ARSB: variants seen among roughly 807,000 people sequenced by gnomAD.
The protein encoded by ARSB is N-acetylgalactosamine-4-sulfatase.
A neutral mutation model predicts 50.9 loss-of-function variants in ARSB; 41 were observed. That is an observed-to-expected ratio of 0.81 (90% CI 0.63 to 1.04). The LOEUF is 1.04. ARSB is among the 50% of genes least tolerant of loss of function. The probability of loss-of-function intolerance (pLI) is 0.00; values close to 1 mark genes in which losing one functional copy is unlikely to be tolerated. For synonymous variants in ARSB, 269 were observed against 284.8 expected, an observed-to-expected ratio of 0.94 and a Z score of 0.56; for missense variants, 672 against 693.3, an observed-to-expected ratio of 0.97 and a Z score of 0.35.
chr5:78,871,577 A>C (rs530252628), intron 5 of ARSB, among the ~76,000 whole-genome samples: 1 of 147,824 alleles, frequency 6.8e-6, no homozygotes, highest in African/African-American at 2.5e-5. Flanking sequence ...AGGATTCCCT[A>C]TTTAATAAAT....
intron 1 of ARSB, among the ~76,000 whole-genome samples, chr5:78,971,527 T>C (rs927349729): frequency 2.0e-5 from 3 of 152,194 alleles, no homozygotes; most frequent in African/African-American, 7.2e-5. Context: ...TGTTTGTGAG[T>C]ATTTTATTTG....
intron 1 of ARSB, among the ~76,000 whole-genome samples, chr5:78,980,229 G>A (rs1752844021): frequency 6.6e-6 from 1 of 152,166 alleles, no homozygotes; most frequent in African/African-American, 2.4e-5. Context: ...TATATAGGAT[G>A]TGAACTATAA....
chr5:78,930,046 AATGCACT>A (rs1750248684), intron 4 of ARSB, among the ~76,000 whole-genome samples: 1 of 152,106 alleles, frequency 6.6e-6, no homozygotes, highest in African/African-American at 2.4e-5. Context: ...ATGTGATCTG[AATGCACT>A]GTACACAGGG....
chr5:78,964,239 G>C (rs1461470655), intron 3 of ARSB, among the ~76,000 whole-genome samples, 177 bp downstream of exon 3: 1 of 152,176 alleles, frequency 6.6e-6, no homozygotes, highest in African/African-American at 2.4e-5. Flanking sequence ...TGGGCTCCAG[G>C]AATCTTCCTT....
At chr5:78,981,584 CTTAGAG>C (rs1752906945) in intron 1 of ARSB, among the ~76,000 whole-genome samples, 1 of 152,182 alleles carries the variant, frequency 6.6e-6, no homozygotes, top group Admixed American at 6.5e-5. Context: ...ACACAAGAGC[CTTAGAG>C]TTAAATTAAT....
chr5:78,817,579 G>A (rs546012320), intron 6 of ARSB, among the ~76,000 whole-genome samples: 1 of 151,730 alleles, frequency 6.6e-6, no homozygotes, highest in Admixed American at 6.6e-5. Context: ...GAGGCCAAGA[G>A]GGGTGAATCA....
chr5:78,839,855 T>G (rs1433703370), intron 5 of ARSB, among the ~76,000 whole-genome samples: 3 of 152,020 alleles, frequency 2.0e-5, no homozygotes, highest in Non-Finnish European at 2.9e-5. Context: ...TCTTAAAGAG[T>G]AACCTACATC....
intron 6 of ARSB, among the ~76,000 whole-genome samples, chr5:78,791,258 T>C (rs556211215): frequency 6.6e-6 from 1 of 152,258 alleles, no homozygotes; most frequent in Non-Finnish European, 1.5e-5. Flanking sequence ...ATGTTTTTAA[T>C]GTACAGGCAA....
intron 1 of ARSB, among the ~76,000 whole-genome samples, chr5:78,979,528 T>C (rs537078143): frequency 2.0e-4 from 31 of 152,288 alleles, no homozygotes; most frequent in African/African-American, 7.2e-4. Context: ...TGCACTGGGG[T>C]GGAGCCACGG....
At chr5:78,857,922 T>A (rs1370971457) in intron 5 of ARSB, among the ~76,000 whole-genome samples, 1 of 152,206 alleles carries the variant, frequency 6.6e-6, no homozygotes, top group Non-Finnish European at 1.5e-5. Flanking sequence ...GATAGAACAT[T>A]TTTTATGTGC....
At chr5:78,843,148 G>A (rs1007212649) in intron 5 of ARSB, among the ~76,000 whole-genome samples, 4 of 152,182 alleles carry the variant, frequency 2.6e-5, no homozygotes, top group Non-Finnish European at 5.9e-5. Context: ...CTCCTAAGCA[G>A]TGCTTCCCAA....
At chr5:78,825,805 A>T (rs1324069593) in intron 6 of ARSB, among the ~76,000 whole-genome samples, 1 of 152,188 alleles carries the variant, frequency 6.6e-6, no homozygotes, top group African/African-American at 2.4e-5. Context: ...ATCTGAAATG[A>T]ATATAAATAG....
intron 1 of ARSB, among the ~76,000 whole-genome samples, chr5:78,973,272 C>T (rs983135401): frequency 1.3e-5 from 2 of 152,176 alleles, no homozygotes; most frequent in Admixed American, 6.5e-5. Context: ...ATGTAATATA[C>T]GAAAGTCCAA....
At chr5:78,851,148 T>C (rs1745754128) in intron 5 of ARSB, among the ~76,000 whole-genome samples, 1 of 152,210 alleles carries the variant, frequency 6.6e-6, no homozygotes, top group Non-Finnish European at 1.5e-5. Flanking sequence ...TTAATTGTGA[T>C]GTTAGGGTGT....
chr5:78,932,509 T>C (rs914686542), intron 4 of ARSB, among the ~76,000 whole-genome samples: 4 of 152,212 alleles, frequency 2.6e-5, no homozygotes, highest in Admixed American at 2.0e-4. Flanking sequence ...ACTTCAATTA[T>C]CCAGGATTTC....
chr5:78,962,757 A>T, intron 3 of ARSB, among the ~76,000 whole-genome samples: 1 of 152,234 alleles, frequency 6.6e-6, no homozygotes, highest in East Asian at 1.9e-4. Flanking sequence ...CAGGAGTTGT[A>T]TAACATTTGA....
At chr5:78,836,226 A>G (rs1744949878) in intron 6 of ARSB, among the ~76,000 whole-genome samples, 1 of 152,232 alleles carries the variant, frequency 6.6e-6, no homozygotes, top group African/African-American at 2.4e-5. Context: ...AACTGGGCAG[A>G]AAAGGCCCAT....
At chr5:78,902,363 T>C (rs79713832) in intron 4 of ARSB, among the ~76,000 whole-genome samples, 2,289 of 152,310 alleles carry the variant, frequency 0.015, 50 homozygotes, top group South Asian at 0.095. Context: ...AAGTTAAACA[T>C]AGATTTACCA....
intron 3 of ARSB, among the ~76,000 whole-genome samples, chr5:78,963,894 A>T (rs1444950815): frequency 6.6e-6 from 1 of 152,212 alleles, no homozygotes; most frequent in Non-Finnish European, 1.5e-5. Flanking sequence ...AATGCAAAAG[A>T]TCTAGAATAG....
Sources: gnomAD v4.1 joint callset for allele counts (sites outside exome capture counted in the v4.1 genomes callset) on GRCh38, gnomAD v4.1.1 for gene constraint, MANE v1.5 for transcripts, NCBI Gene and HGNC (gene_info 2026-07-23, HGNC 2026-07-21) for gene names.